The following ATP13A5 variants were observed in gnomAD, a reference collection of about 807,000 sequenced individuals.
ATP13A5 encodes probable cation-transporting ATPase 13A5.
A neutral mutation model predicts 150.2 loss-of-function variants in ATP13A5; 149 were observed. That is an observed-to-expected ratio of 0.99 (90% CI 0.87 to 1.14). The LOEUF (loss-of-function observed/expected upper bound fraction) is 1.14. Ranked by LOEUF, ATP13A5 falls within the 50% of genes most tolerant of loss-of-function variation. The pLI is 0.00. For missense variants in ATP13A5, 1,383 were observed against 1,449.3 expected (o/e 0.95, Z 0.74); for synonymous variants, 497 against 522.2 (o/e 0.95, Z 0.66).
chr3:193,325,848 G>A (rs1719448760), intron 13 of ATP13A5, among the ~76,000 whole-genome samples: 2 of 152,228 alleles, frequency 1.3e-5, no homozygotes, highest in South Asian at 2.1e-4. Flanking sequence ...TCTAGTCTCC[G>A]AAAACCTTCA....
intron 23 of ATP13A5, among the ~76,000 whole-genome samples, chr3:193,302,143 A>G (rs1359809389): frequency 1.3e-5 from 2 of 152,116 alleles, no homozygotes; most frequent in African/African-American, 2.4e-5. Flanking sequence ...CATCCACTTC[A>G]TTTCTACTCC....
intron 16 of ATP13A5, among the ~76,000 whole-genome samples, chr3:193,319,942 G>C (rs939698924): frequency 1.3e-5 from 2 of 152,236 alleles, no homozygotes; most frequent in Non-Finnish European, 2.9e-5. Context: ...GATTGGCAAA[G>C]CCTAAAGTAA....
At position 193,308,337 on chromosome 3, in the gene ATP13A5, TA is replaced by T. The variant is rs368438286; in HGVS notation, c.2526-969del. ...AGCTGGGCATGGTGGTGTGCTCCTG[TA>T]ATCTCAGCTACTTGGGAGGCTGAGG... is the stretch of plus-strand genomic sequence containing the variant. On this transcript the variant is annotated intron_variant, in intron 21 of 29. Transcript: ENST00000342358. Among the ~76,000 whole-genome samples the T allele has an allele frequency of 1.4e-3, 207 of 152,220 alleles. 2 individuals carry two copies. The highest frequency in any genetic ancestry group is 4.8e-3 in the African/African-American group (198 of 41,536).
intron 26 of ATP13A5, among the ~76,000 whole-genome samples, chr3:193,289,589 T>C (rs1312088466): frequency 4.6e-5 from 7 of 152,106 alleles, no homozygotes; most frequent in African/African-American, 1.7e-4. Context: ...TCCGGCCCTC[T>C]AAGAAATGTT....
chr3:193,364,422 G>A (rs749817326), intron 1 of ATP13A5, 142 bp from the exon 2 acceptor site: 4 of 945,238 alleles, frequency 4.2e-6, no homozygotes, highest in African/African-American at 1.7e-5. Context: ...CAAGTTGACT[G>A]CTTGCAGCTG....
intron 1 of ATP13A5, among the ~76,000 whole-genome samples, chr3:193,371,012 C>CA (rs1713419313): frequency 6.6e-6 from 1 of 152,122 alleles, no homozygotes; most frequent in Admixed American, 6.5e-5. Context: ...AGAGTGCTAA[C>CA]ATATAGTCCT....
chr3:193,309,583 G>A (rs1718759932), intron 21 of ATP13A5, among the ~76,000 whole-genome samples: 1 of 152,164 alleles, frequency 6.6e-6, no homozygotes, highest in Admixed American at 6.5e-5. Context: ...ATACGGCAAG[G>A]GTGATGAGAC....
intron 1 of ATP13A5, among the ~76,000 whole-genome samples, chr3:193,367,079 G>A (rs1415706432): frequency 2.0e-5 from 3 of 151,984 alleles, no homozygotes; most frequent in Non-Finnish European, 4.4e-5. Flanking sequence ...AGCTTTAGCT[G>A]CAAATCTTAG....
intron 17 of ATP13A5, among the ~76,000 whole-genome samples, chr3:193,315,866 T>TCATG (rs1417874626): frequency 2.4e-5 from 1 of 42,402 alleles, no homozygotes; most frequent in Admixed American, 2.5e-4. Flanking sequence ...CTACCCTGTT[T>TCATG]TATGTGTGTG....
At chr3:193,296,981 G>A (rs1486327396) in intron 25 of ATP13A5, among the ~76,000 whole-genome samples, 2 of 152,062 alleles carry the variant, frequency 1.3e-5, no homozygotes, top group Non-Finnish European at 2.9e-5. Context: ...AAGGAGGAAG[G>A]AGAGCATCAG....
At chr3:193,281,293 G>A in intron 27 of ATP13A5, 1 of 724,322 alleles carries the variant, frequency 1.4e-6, no homozygotes, top group Non-Finnish European at 1.7e-6. Context: ...GCTGAGTGGG[G>A]TGCACATCAC....
At chr3:193,289,857 GA>G in intron 26 of ATP13A5, 27 bp downstream of exon 26, 1 of 1,536,412 alleles carries the variant, frequency 6.5e-7, no homozygotes, top group Non-Finnish European at 8.8e-7. Context: ...ATTACCTTTC[GA>G]AAGCAGCACT....
At chr3:193,281,754 A>T (rs1056406016) in intron 27 of ATP13A5, among the ~76,000 whole-genome samples, 1 of 152,186 alleles carries the variant, frequency 6.6e-6, no homozygotes, top group Non-Finnish European at 1.5e-5. Flanking sequence ...GCATACCTGT[A>T]TGCTAAAATG....
intron 9 of ATP13A5, among the ~76,000 whole-genome samples, chr3:193,343,527 T>A (rs1034766026): frequency 6.6e-6 from 1 of 152,210 alleles, no homozygotes; most frequent in African/African-American, 2.4e-5. Context: ...AAAACCTCTA[T>A]GGCCTTCCAA....
At chr3:193,289,685 C>G (rs1717868826) in intron 26 of ATP13A5, among the ~76,000 whole-genome samples, 200 bp downstream of exon 26, 1 of 152,120 alleles carries the variant, frequency 6.6e-6, no homozygotes, top group Non-Finnish European at 1.5e-5. Context: ...ACATTAACAA[C>G]CAGTGTGACA....
chr3:193,317,660 A>G (rs1719100598), intron 17 of ATP13A5, among the ~76,000 whole-genome samples: 1 of 152,210 alleles, frequency 6.6e-6, no homozygotes, highest in Non-Finnish European at 1.5e-5. Flanking sequence ...TCTAAGAAAA[A>G]CCAAAACCCT....
At chr3:193,343,732 T>C (rs1383870230) in intron 9 of ATP13A5, among the ~76,000 whole-genome samples, 195 bp downstream of exon 9, 7 of 152,366 alleles carry the variant, frequency 4.6e-5, no homozygotes, top group African/African-American at 1.7e-4. Context: ...TTCACATTTA[T>C]TGTGACTTAA....
chr3:193,321,293 C>A (rs1466782211), intron 16 of ATP13A5, among the ~76,000 whole-genome samples: 1 of 152,134 alleles, frequency 6.6e-6, no homozygotes, highest in South Asian at 2.1e-4. Context: ...ACAAGCAGCT[C>A]CACGTTCATT....
intron 1 of ATP13A5, among the ~76,000 whole-genome samples, chr3:193,366,003 A>G (rs1048408219): frequency 6.6e-6 from 1 of 152,098 alleles, no homozygotes; most frequent in African/African-American, 2.4e-5. Flanking sequence ...ATTTGAAAAT[A>G]TGCCCTAATG....
Sources: allele counts gnomAD v4.1 joint callset (sites outside exome capture counted in the v4.1 genomes callset), GRCh38; gene constraint gnomAD v4.1.1; transcripts MANE v1.5; gene names NCBI Gene and HGNC (gene_info 2026-07-23, HGNC 2026-07-21).